Variants in MAML3 observed in about 807,000 individuals in gnomAD.
MAML3 encodes the protein mastermind like transcriptional coactivator 3.
MAML3 carries 27 observed loss-of-function variants against 101.9 expected under a neutral mutation model. That is an observed-to-expected ratio of 0.27 (90% CI 0.20 to 0.37). The LOEUF (loss-of-function observed/expected upper bound fraction) is 0.37. Ranked by LOEUF, MAML3 falls within the 10% of genes least tolerant of loss-of-function variation. The pLI is 1.00. For missense variants in MAML3, 1,316 were observed against 1,444.9 expected (o/e 0.91, Z 1.45); for synonymous variants, 501 against 555.9 (o/e 0.90, Z 1.39).
intron 1 of MAML3, among the ~76,000 whole-genome samples, chr4:140,011,749 C>A (rs1726568160): frequency 6.6e-6 from 1 of 152,140 alleles, no homozygotes; most frequent in South Asian, 2.1e-4. Context: ...AACCTCTCTG[C>A]CTGTTTGTGC....
intron 2 of MAML3, among the ~76,000 whole-genome samples, chr4:139,826,668 G>C (rs1342261767): frequency 1.3e-5 from 2 of 152,138 alleles, no homozygotes; most frequent in African/African-American, 4.8e-5. Flanking sequence ...ATAATTGCCT[G>C]CTAGGGAACC....
chr4:139,766,413 C>A (rs969337881), intron 2 of MAML3, among the ~76,000 whole-genome samples: 1 of 152,140 alleles, frequency 6.6e-6, no homozygotes, highest in Non-Finnish European at 1.5e-5. Flanking sequence ...CTCAGGTGAT[C>A]CACCCACCTT....
chr4:139,906,874 A>C (rs1303188984), intron 1 of MAML3, among the ~76,000 whole-genome samples: 1 of 130,434 alleles, frequency 7.7e-6, no homozygotes, highest in Non-Finnish European at 1.8e-5. Flanking sequence ...GTTCAGAAGC[A>C]ATTTTTTTTT....
At position 140,140,772 on chromosome 4, in the gene MAML3, G is replaced by T. The variant is rs1316306386; in HGVS notation, c.468+12088C>A. On this transcript the variant is annotated intron_variant, in intron 1 of 4. Transcript: ENST00000509479. ...CATTGCCACATGTACCTTGTACAAGGTTCCAGGTCCTATTGTCACTGTCAC... is the reference window on the plus strand; with the variant it reads ...CATTGCCACATGTACCTTGTACAAGTTTCCAGGTCCTATTGTCACTGTCAC... 6.6e-5 allele frequency among the ~76,000 whole-genome samples: 10 copies of T among 152,186 alleles called. 1 individual carries two copies.
At chr4:139,825,525 T>C (rs1298284759) in intron 2 of MAML3, among the ~76,000 whole-genome samples, 4 of 152,190 alleles carry the variant, frequency 2.6e-5, no homozygotes, top group Non-Finnish European at 5.9e-5. Context: ...CGTGGCCATG[T>C]GTGTTTTTGC....
chr4:140,069,502 GAGGAGGAGA>G lies in MAML3; in HGVS notation c.468+83349_468+83357del, dbSNP rs1157654258. 1.0e-4 allele frequency among the ~76,000 whole-genome samples: 12 copies of G among 115,608 alleles called. No individual in the cohort carries two copies. In the South Asian group the frequency reaches 2.2e-3, roughly 21 times the overall value. The allele number at this position is 115,608 out of a possible 152,430, so 75.8% of individuals were successfully genotyped here. On this transcript the variant is annotated intron_variant, in intron 1 of 4. Coordinates refer to ENST00000509479, the MANE Select transcript of MAML3 (RefSeq NM_018717.5). ...AGAAGAAGGAGGAGGAGGAGGGGAGGAGGAGGAGAAGGAGGAGAAGGAGAAGGAGAAAGG... is the reference window on the plus strand; with the variant it reads ...AGAAGAAGGAGGAGGAGGAGGGGAGGAGGAGGAGAAGGAGAAGGAGAAAGG...
intron 1 of MAML3, among the ~76,000 whole-genome samples, chr4:140,003,440 G>T (rs1231665902): frequency 2.0e-5 from 3 of 152,108 alleles, no homozygotes; most frequent in Non-Finnish European, 4.4e-5. Context: ...TAGGCTAGGG[G>T]ACAGTGCAGG....
intron 1 of MAML3, among the ~76,000 whole-genome samples, chr4:139,909,572 CG>C (rs909733946): frequency 9.2e-5 from 14 of 152,084 alleles, no homozygotes; most frequent in African/African-American, 3.1e-4. Context: ...AAACCAGGTG[CG>C]GTGGCCCGCA....
rs1247676796 is a variant in MAML3 at position 139,890,373 on chromosome 4, C to T, written c.1063G>A (p.Ala355Thr). The change falls in exon 2 of 5, where the codon GCG (alanine) becomes ACG (threonine). Residue 355 changes from alanine to threonine, a missense_variant. Ala to Thr is a moderately conservative substitution (Grantham distance 58). Transcript: ENST00000509479. This position sits in a 1 kb window ranked among gnomAD's most constrained non-coding sequence, Gnocchi z 4.1. ...ATETPLSQES[A>T]SVKSDPSHSP... Reference sequence around the variant, plus strand: ...TGAGAGGGGTCGCTCTTCACGCTCGCACTCTCCTGGGAGAGAGGGGTCTCA... The same window carrying T: ...TGAGAGGGGTCGCTCTTCACGCTCGTACTCTCCTGGGAGAGAGGGGTCTCA... 3 of 1,603,212 alleles carry T rather than the reference C, an allele frequency of 1.9e-6. No homozygotes were observed. Among genetic ancestry groups the T allele is most frequent in the East Asian group, 2.2e-5 (1 of 44,722 alleles).
At chr4:139,865,775 GCT>G (rs1432315539) in intron 2 of MAML3, among the ~76,000 whole-genome samples, 1 of 152,232 alleles carries the variant, frequency 6.6e-6, no homozygotes, top group Non-Finnish European at 1.5e-5. Context: ...TAGAGAGCCT[GCT>G]TGGGTCCTCC....
chr4:140,063,897 G>A (rs1442271433), intron 1 of MAML3, among the ~76,000 whole-genome samples: 2 of 152,082 alleles, frequency 1.3e-5, no homozygotes, highest in African/African-American at 2.4e-5. Flanking sequence ...GTGCTCTCTA[G>A]AACACTGAAT....
intron 1 of MAML3, among the ~76,000 whole-genome samples, chr4:139,930,015 C>G (rs12511978): frequency 0.25 from 37,739 of 152,098 alleles, 5,199 homozygotes; most frequent in Non-Finnish European, 0.31. Flanking sequence ...CCCGTTTGTA[C>G]AGGTGAGTGA....
intron 1 of MAML3, among the ~76,000 whole-genome samples, chr4:140,099,680 T>C (rs568855178): frequency 2.0e-5 from 3 of 152,212 alleles, no homozygotes; most frequent in Admixed American, 2.0e-4. Context: ...TTGGTGAAAA[T>C]TAAATTAGAT....
chr4:139,919,442 A>C (rs1449991104), intron 1 of MAML3, among the ~76,000 whole-genome samples: 3 of 152,174 alleles, frequency 2.0e-5, no homozygotes, highest in African/African-American at 2.4e-5. Flanking sequence ...TCAAATGGGC[A>C]ATTTGGATGT....
intron 1 of MAML3, among the ~76,000 whole-genome samples, chr4:140,151,094 G>A (rs1414574421): frequency 6.6e-6 from 1 of 152,092 alleles, no homozygotes; most frequent in Non-Finnish European, 1.5e-5. Flanking sequence ...AGCGGCCCCG[G>A]GGTCTGAGCT....
intron 2 of MAML3, among the ~76,000 whole-genome samples, chr4:139,787,768 T>C (rs1730331741): frequency 6.6e-6 from 1 of 152,208 alleles, no homozygotes; most frequent in African/African-American, 2.4e-5. Flanking sequence ...TATGAGAAGT[T>C]TGGATTATTT....
At chr4:139,984,194 G>A (rs919551022) in intron 1 of MAML3, among the ~76,000 whole-genome samples, 3 of 152,142 alleles carry the variant, frequency 2.0e-5, no homozygotes, top group African/African-American at 7.2e-5. Flanking sequence ...GCTGATGACA[G>A]GTCAACAGTG....
chr4:140,126,963 C>T (rs1207409816), intron 1 of MAML3, among the ~76,000 whole-genome samples: 1 of 152,212 alleles, frequency 6.6e-6, no homozygotes, highest in Non-Finnish European at 1.5e-5. Flanking sequence ...CCTTCAACAT[C>T]TTCTGCTGAG....
At chr4:140,045,847 G>A (rs916291965) in intron 1 of MAML3, among the ~76,000 whole-genome samples, 3 of 152,134 alleles carry the variant, frequency 2.0e-5, no homozygotes, top group African/African-American at 7.2e-5. Flanking sequence ...CAATGGGCAA[G>A]TTCTCCATTT....
Sources: gnomAD v4.1 joint callset for allele counts (sites outside exome capture counted in the v4.1 genomes callset) on GRCh38, gnomAD v4.1.1 for gene constraint, Gnocchi (gnomAD v3.1) non-coding constraint, MANE v1.5 for transcripts, NCBI Gene and HGNC (gene_info 2026-07-23, HGNC 2026-07-21) for gene names.